CTR9: variants seen among roughly 807,000 people sequenced by gnomAD.
CTR9 encodes the protein RNA polymerase-associated protein CTR9 homolog.
CTR9 carries 41 observed loss-of-function variants against 152.1 expected under a neutral mutation model. The ratio of observed to expected loss-of-function variants is 0.27; its 90% CI spans 0.21 to 0.35. The LOEUF is 0.35. CTR9 is among the 10% of genes least tolerant of loss of function. The probability of loss-of-function intolerance (pLI) is 1.00; values close to 1 mark genes in which losing one functional copy is unlikely to be tolerated. For missense variants in CTR9, 917 were observed against 1,424.4 expected (o/e 0.64, Z 5.73); for synonymous variants, 476 against 496.2 (o/e 0.96, Z 0.54).
At chr11:10,778,615 T>A in intron 24 of CTR9, 64 bp from the exon 25 acceptor site, 2 of 1,473,818 alleles carry the variant, frequency 1.4e-6, no homozygotes, top group South Asian at 1.3e-5. Context: ...AAGCACATTG[T>A]CTGCTCATCA....
Position 10,764,093 on chromosome 11 carries a change from A to G in CTR9, c.1195-19A>G, listed in dbSNP as rs1477086020. On this transcript the variant is annotated intron_variant, in intron 9 of 24. Transcript: ENST00000361367. Reference sequence around the variant, plus strand: ...CCTATAGATGGAATACTTCAGCTTAACAATCTCTTTTATCCCAGGGCCATT... The same window carrying G: ...CCTATAGATGGAATACTTCAGCTTAGCAATCTCTTTTATCCCAGGGCCATT... 6 of 1,611,150 alleles carry G rather than the reference A, an allele frequency of 3.7e-6. No homozygotes were observed. In the Admixed American group the frequency reaches 6.7e-5, roughly 18 times the overall value.
intron 6 of CTR9, among the ~76,000 whole-genome samples, chr11:10,761,236 C>G (rs1213797615): frequency 1.3e-5 from 2 of 152,132 alleles, no homozygotes; most frequent in Non-Finnish European, 2.9e-5. Flanking sequence ...CTACCTTAGG[C>G]CAGAGGAAAA....
At chr11:10,769,793 A>G (rs1328593584) in intron 16 of CTR9, among the ~76,000 whole-genome samples, 2 of 152,340 alleles carry the variant, frequency 1.3e-5, no homozygotes, top group South Asian at 4.1e-4. Context: ...AAGACTCCTC[A>G]TGCTCATTGC....
At chr11:10,756,485 T>C (rs1306059907) in intron 4 of CTR9, among the ~76,000 whole-genome samples, 6 of 152,212 alleles carry the variant, frequency 3.9e-5, no homozygotes. Context: ...CTCCCACTTA[T>C]AAGTGAGAAC....
At chr11:10,773,047 C>G in intron 20 of CTR9, 80 bp from the exon 21 acceptor site, 1 of 1,482,270 alleles carries the variant, frequency 6.7e-7, no homozygotes, top group Non-Finnish European at 9.1e-7. Flanking sequence ...AAAAAATCCT[C>G]TGCTTAGGAT....
Position 10,754,990 on chromosome 11 carries a change from G to A in CTR9, c.177G>A (p.Glu59=). ...LEYYKQGKTE[E]FVKLLEAARI... is the part of the protein sequence containing the mutation. ...ACTACAAGCAAGGAAAAACAGAAGAGTTTGTAAAATTGTTGGAAGCAGCAC... is the reference window on the plus strand; with the variant it reads ...ACTACAAGCAAGGAAAAACAGAAGAATTTGTAAAATTGTTGGAAGCAGCAC... Residue 59 remains glutamate, a synonymous_variant, in exon 3 of 25, where the codon GAG becomes GAA. Coordinates refer to ENST00000361367, the MANE Select transcript of CTR9 (RefSeq NM_014633.5). 6.2e-7 allele frequency: 1 copy of A among 1,613,928 alleles called. No homozygotes were observed. Among genetic ancestry groups the A allele is most frequent in the Non-Finnish European group, 8.5e-7 (1 of 1,179,924 alleles).
In CTR9 at chr11:10,764,394, G is replaced by T. The variant is rs1339830011; in HGVS notation, c.1371G>T (p.Val457=). ...TTCCTCCAGAGATTCTCAATAATGT[G>T]GGTGCCCTCCATTTTAGACTTGGAA... ...ADVPPEILNN[V]GALHFRLGNL... The change falls in exon 11 of 25, where the codon GTG becomes GTT. Residue 457 remains valine, a synonymous_variant. Coordinates refer to ENST00000361367, the MANE Select transcript of CTR9 (RefSeq NM_014633.5). 3 of 1,614,020 alleles carry T rather than the reference G, an allele frequency of 1.9e-6. No homozygotes were observed.
At chr11:10,771,652 AG>A in intron 19 of CTR9, 36 bp downstream of exon 19, 1 of 1,484,934 alleles carries the variant, frequency 6.7e-7, no homozygotes, top group Non-Finnish European at 9.4e-7. Flanking sequence ...ACTTTGGGTG[AG>A]GCAGTGATAT....
intron 16 of CTR9, among the ~76,000 whole-genome samples, chr11:10,768,813 T>C (rs1051052231): frequency 3.9e-5 from 6 of 152,368 alleles, no homozygotes; most frequent in Admixed American, 1.3e-4. Flanking sequence ...GGCACTAGCA[T>C]GCCTAGCATA....
intron 5 of CTR9, among the ~76,000 whole-genome samples, chr11:10,758,017 A>C (rs1229967105): frequency 6.6e-6 from 1 of 152,206 alleles, no homozygotes; most frequent in Admixed American, 6.5e-5. Context: ...CAGAGGAAAG[A>C]GAGTGCCTGG....
rs116505928 is a variant in CTR9 at position 10,756,713 on chromosome 11, A to G, written c.503-36A>G. Reference sequence around the variant, plus strand: ...AAACATAATAGACTTGTAGCCTTTAATCAGACACTGTGTTTATTTTTAAAA... The same window carrying G: ...AAACATAATAGACTTGTAGCCTTTAGTCAGACACTGTGTTTATTTTTAAAA... On this transcript the variant is annotated intron_variant, in intron 4 of 24. Transcript: ENST00000361367. 7 of 1,455,280 alleles carry G rather than the reference A, an allele frequency of 4.8e-6. No individual in the cohort carries two copies. In the East Asian group the frequency reaches 1.4e-4, roughly 28 times the overall value. The allele number at this position is 1,455,280 out of a possible 1,614,324, so 90.1% of individuals were successfully genotyped here.
chr11:10,753,282 T>G lies in CTR9; in HGVS notation c.144+512T>G, dbSNP rs984680350. 6.6e-5 allele frequency among the ~76,000 whole-genome samples: 10 copies of G among 152,316 alleles called. No individual in the cohort carries two copies. The East Asian group carries it at 1.3e-3, about 21-fold the overall frequency. On this transcript the variant is annotated intron_variant, in intron 2 of 24. Coordinates refer to ENST00000361367, the MANE Select transcript of CTR9 (RefSeq NM_014633.5). ...CCTTCAATGTGAATCTTACTGGAGA[T>G]TCTCAAGAAAATCCAATCAGAAACC...
rs1355297968 is a variant in CTR9 at position 10,775,209 on chromosome 11, A to C, written c.2888A>C (p.His963Pro). 1 of 1,613,438 alleles carries C rather than the reference A, an allele frequency of 6.2e-7. No individual in the cohort carries two copies. The highest frequency in any genetic ancestry group is 1.3e-5 in the African/African-American group (1 of 74,898). Reference protein sequence around the residue: ...GERKKKKRRRHPKGEEGSDDD... With the variant: ...GERKKKKRRRPPKGEEGSDDD... The stretch of plus-strand genomic sequence containing the variant: ...TCTCTTGGTGTTCACTATTTAAGAC[A>C]TCCAAAGGGAGAAGAAGGATCTGAT... The change falls in exon 23 of 25, where the codon CAT becomes CCT. Residue 963 changes from histidine (H) to proline (P), a missense_variant and splice_region_variant. His to Pro is a moderately conservative substitution (Grantham distance 77). Coordinates refer to ENST00000361367, the MANE Select transcript of CTR9 (RefSeq NM_014633.5).
rs1381641664 is a variant in CTR9, at chr11:10,779,238, A to G, written c.*133A>G. On this transcript the variant is annotated 3_prime_UTR_variant, in exon 25 of 25. Coordinates refer to ENST00000361367, the MANE Select transcript of CTR9 (RefSeq NM_014633.5). Reference sequence around the variant, plus strand: ...GCAATTTTCTTTTCTATCAGTTTGTATATTACTAAGCCCCAAGAGACATTT... The same window carrying G: ...GCAATTTTCTTTTCTATCAGTTTGTGTATTACTAAGCCCCAAGAGACATTT... The G allele has an allele frequency of 7.2e-6, 6 of 836,652 alleles. No individual in the cohort carries two copies. Among genetic ancestry groups the G allele is most frequent in the African/African-American group, 1.7e-5 (1 of 58,198 alleles). The allele number at this position is 836,652 out of a possible 1,614,324, so 51.8% of individuals were successfully genotyped here.
chr11:10,753,274 A>C (rs1193395280), intron 2 of CTR9, among the ~76,000 whole-genome samples: 1 of 152,172 alleles, frequency 6.6e-6, no homozygotes, highest in Non-Finnish European at 1.5e-5. Context: ...TGTGAATCTT[A>C]CTGGAGATTC....
At position 10,778,787 on chromosome 11, in the gene CTR9, C is replaced by T. The variant is rs149166333; in HGVS notation, c.3204C>T (p.Ser1068=). The change falls in exon 25 of 25, where the codon AGC becomes AGT. Residue 1068 remains serine (S), a synonymous_variant. Coordinates refer to ENST00000361367, the MANE Select transcript of CTR9 (RefSeq NM_014633.5). ...DSDENQNKSG[S]EAGSPRRPRR... is the part of the protein sequence containing the mutation. ...ATGAGAACCAGAACAAGTCTGGCAGCGAGGCCGGCAGTCCCCGGAGGCCAC... is the reference window on the plus strand; with the variant it reads ...ATGAGAACCAGAACAAGTCTGGCAGTGAGGCCGGCAGTCCCCGGAGGCCAC... The T allele has an allele frequency of 9.9e-6, 16 of 1,614,058 alleles. No individual in the cohort carries two copies. The highest frequency in any genetic ancestry group is 2.2e-5 in the South Asian group (2 of 91,086).
intron 6 of CTR9, among the ~76,000 whole-genome samples, chr11:10,761,371 G>GCAT: frequency 1.3e-4 from 1 of 7,514 alleles, no homozygotes; most frequent in East Asian, 4.1e-3. Flanking sequence ...TCTGTTAGCA[G>GCAT]GATGTTACCA....
At chr11:10,759,979 G>C (rs1283359454) in intron 5 of CTR9, among the ~76,000 whole-genome samples, 194 bp from the exon 6 acceptor site, 1 of 152,214 alleles carries the variant, frequency 6.6e-6, no homozygotes, top group African/African-American at 2.4e-5. Context: ...TGATAGAGGA[G>C]AGGGTTGGAA....
At chr11:10,765,645 A>C in intron 12 of CTR9, among the ~76,000 whole-genome samples, 1 of 152,104 alleles carries the variant, frequency 6.6e-6, no homozygotes, top group South Asian at 2.1e-4. Context: ...TGTTTTTAGT[A>C]GAGGTGGGGT....
Sources: gnomAD v4.1 joint callset for allele counts (sites outside exome capture counted in the v4.1 genomes callset) on GRCh38, gnomAD v4.1.1 for gene constraint, MANE v1.5 for transcripts, NCBI Gene and HGNC (gene_info 2026-07-23, HGNC 2026-07-21) for gene names.